TMEM127: variants seen among roughly 807,000 people sequenced by gnomAD.
TMEM127 encodes the protein transmembrane protein 127.
TMEM127 carries 21 observed loss-of-function variants against 20.1 expected under a neutral mutation model. The observed-to-expected ratio is 1.04, with a 90% CI of 0.74 to 1.50. The LOEUF (loss-of-function observed/expected upper bound fraction) is 1.50, where lower values mean the gene tolerates loss of function less well. Ranked by LOEUF, TMEM127 falls within the 40% of genes most tolerant of loss-of-function variation. The pLI is 0.00. For synonymous variants in TMEM127, 150 were observed against 144.7 expected (o/e 1.04, Z -0.26); for missense variants, 303 against 317.4 (o/e 0.95, Z 0.34).
chr2:96,263,660 ATAT>A (rs1190081564), intron 2 of TMEM127, among the ~76,000 whole-genome samples: 2 of 152,212 alleles, frequency 1.3e-5, no homozygotes, highest in African/African-American at 4.8e-5. Flanking sequence ...GCATCATTTT[ATAT>A]TGGCATCAAC....
At chr2:96,256,770 A>G (rs949631080) in intron 2 of TMEM127, among the ~76,000 whole-genome samples, 1 of 152,070 alleles carries the variant, frequency 6.6e-6, no homozygotes, top group East Asian at 1.9e-4. Context: ...CCCTCCCTGA[A>G]CTCTACGAGA....
At position 96,254,894 on chromosome 2, in the gene TMEM127, A is replaced by T; in HGVS notation, c.348T>A (p.Phe116Leu). 1 of 1,614,116 alleles carries T rather than the reference A, an allele frequency of 6.2e-7. No individual in the cohort carries two copies. Residue 116 changes from phenylalanine (F) to leucine (L), a missense_variant, in exon 3 of 4, where the codon TTT becomes TTA. Phe to Leu is a conservative substitution (Grantham distance 22). Transcript: ENST00000258439. ...CSLSAFLLDV[F>L]GPKHPALKIT... ...TCTTCAGAGCAGGATGCTTCGGCCC[A>T]AAGACATCCAGAAGGAAAGCGGAGA...
At position 96,249,086 on chromosome 2, in the gene TMEM127, TGTGTG is replaced by T; in HGVS notation, c.*4717_*4721del. The T allele has an allele frequency of 4.4e-6, 1 of 229,004 alleles. No individual in the cohort carries two copies. The highest frequency in any genetic ancestry group is 2.2e-5 in the African/African-American group (1 of 44,524). 14.2% of individuals were successfully genotyped at this position (229,004 alleles called of 1,614,324 possible). A position where few individuals can be genotyped will look rare whatever the true frequency, so the allele number is the denominator to read the frequency against. ...TTATGGTGAGGAACCTGTGTGTGTG[TGTGTG>T]GTGTGTGTGTGTGTGTGTGTGTGTG... On this transcript the variant is annotated 3_prime_UTR_variant, in exon 4 of 4. Coordinates refer to ENST00000258439, the MANE Select transcript of TMEM127 (RefSeq NM_017849.4).
At chr2:96,254,245 A>G in intron 3 of TMEM127, 130 bp from the exon 4 acceptor site, 2 of 1,220,810 alleles carry the variant, frequency 1.6e-6, no homozygotes, top group Non-Finnish European at 2.3e-6. Context: ...CAGACTCTGC[A>G]AGGAGGAGCT....
chr2:96,254,889 G>A lies in TMEM127; in HGVS notation c.353C>T (p.Pro118Leu), dbSNP rs769359648. Reference sequence around the variant, plus strand: ...AGTGATCTTCAGAGCAGGATGCTTCGGCCCAAAGACATCCAGAAGGAAAGC... The same window carrying A: ...AGTGATCTTCAGAGCAGGATGCTTCAGCCCAAAGACATCCAGAAGGAAAGC... The part of the protein sequence containing the change: ...LSAFLLDVFG[P>L]KHPALKITRR... Residue 118 changes from proline to leucine, a missense_variant, in exon 3 of 4, where the codon CCG becomes CTG. Transcript: ENST00000258439. 8.7e-6 allele frequency: 14 copies of A among 1,613,960 alleles called. No individual in the cohort carries two copies. Among genetic ancestry groups the A allele is most frequent in the East Asian group, 2.2e-5 (1 of 44,890 alleles).
chr2:96,260,385 T>C (rs1263590922), intron 2 of TMEM127: 3 of 152,314 alleles, frequency 2.0e-5, no homozygotes, highest in African/African-American at 4.8e-5. Flanking sequence ...AGGTTATGTA[T>C]GTAGGATTTT....
Position 96,249,128 on chromosome 2 carries a change from G to A in TMEM127, c.*4680C>T, listed in dbSNP as rs1684036266. On this transcript the variant is annotated 3_prime_UTR_variant, in exon 4 of 4. Transcript: ENST00000258439. Reference sequence around the variant, plus strand: ...TGTGTGTGTGTGTGTTTGAGATGGAGTCTCACTCTGTCAGGCTGGAGTCCA... The same window carrying A: ...TGTGTGTGTGTGTGTTTGAGATGGAATCTCACTCTGTCAGGCTGGAGTCCA... The A allele has an allele frequency of 4.3e-6, 1 of 230,154 alleles. No individual in the cohort carries two copies. Among genetic ancestry groups the A allele is most frequent in the Non-Finnish European group, 8.6e-6 (1 of 116,150 alleles). 14.3% of individuals were successfully genotyped at this position (230,154 alleles called of 1,614,324 possible).
rs747804736 is a variant in TMEM127 at position 96,265,161 on chromosome 2, T to G, written c.221A>C (p.Tyr74Ser). Residue 74 changes from tyrosine to serine, a missense_variant, in exon 2 of 4, where the codon TAT becomes TCT. Coordinates refer to ENST00000258439, the MANE Select transcript of TMEM127 (RefSeq NM_017849.4). The part of the protein sequence containing the change: ...QELGVSDVLG[Y>S]VHPDLLKDFC... ...ACCTTTCAGCAGGTCCGGGTGCACA[T>G]AGCCCAACACGTCGGAGACCCCCAG... The G allele has an allele frequency of 5.0e-6, 8 of 1,611,574 alleles. No homozygotes were observed. The African/African-American group carries it at 6.7e-5, about 13-fold the overall frequency.
Position 96,252,374 on chromosome 2 carries a change from A to C in TMEM127, c.*1434T>G. 5.0e-6 allele frequency: 1 copy of C among 200,218 alleles called. No individual in the cohort carries two copies. Among genetic ancestry groups the C allele is most frequent in the East Asian group, 6.5e-5 (1 of 15,492 alleles). 12.4% of individuals were successfully genotyped at this position (200,218 alleles called of 1,614,324 possible). A position where few individuals can be genotyped will look rare whatever the true frequency, so the allele number is the denominator to read the frequency against. ...TGATTCCCAAGAAGCAAGTAACTTA[A>C]CAAGGACAGGTTGGCCATCTGGATC... On this transcript the variant is annotated 3_prime_UTR_variant, in exon 4 of 4. Coordinates refer to ENST00000258439, the MANE Select transcript of TMEM127 (RefSeq NM_017849.4). The surrounding 1 kb of genome is among the most constrained non-coding windows in gnomAD (Gnocchi z 4.2).
intron 3 of TMEM127, among the ~76,000 whole-genome samples, chr2:96,254,446 C>G (rs373104380): frequency 2.0e-5 from 3 of 152,108 alleles, no homozygotes; most frequent in Non-Finnish European, 2.9e-5. Flanking sequence ...CAAGAAAAGG[C>G]GGGTCTGTAG....
chr2:96,261,318 C>T (rs1456538390), intron 2 of TMEM127, among the ~76,000 whole-genome samples: 2 of 151,664 alleles, frequency 1.3e-5, no homozygotes, highest in African/African-American at 4.9e-5. Context: ...CTCTGTCACC[C>T]AGGCTGGAGT....
intron 2 of TMEM127, among the ~76,000 whole-genome samples, chr2:96,262,789 G>A (rs1409255667): frequency 6.6e-6 from 1 of 151,660 alleles, no homozygotes; most frequent in Non-Finnish European, 1.5e-5. Flanking sequence ...AGGTTCAAGC[G>A]ATTCTCCTGC....
chr2:96,255,958 G>C (rs1278988626), intron 2 of TMEM127, among the ~76,000 whole-genome samples: 3 of 151,820 alleles, frequency 2.0e-5, no homozygotes, highest in Non-Finnish European at 4.4e-5. Context: ...GGATGACCGA[G>C]AGAGACCCTG....
In TMEM127 at chr2:96,265,250, C is replaced by T. The variant is rs2104307855; in HGVS notation, c.132G>A (p.Leu44=). The change falls in exon 2 of 4, where the codon CTG becomes CTA. Residue 44 remains leucine (L), a synonymous_variant. Transcript: ENST00000258439. The stretch of plus-strand genomic sequence containing the variant: ...AGGCGGGCTCGGCGAGGGCAGTGCA[C>T]AGCGCCGTGATAGACAGGGCGCCAG... ...ALPGALSITA[L]CTALAEPAWL... is the part of the protein sequence containing the mutation. The T allele has an allele frequency of 6.3e-7, 1 of 1,593,508 alleles. No individual in the cohort carries two copies. Among genetic ancestry groups the T allele is most frequent in the Non-Finnish European group, 8.5e-7 (1 of 1,174,164 alleles).
Position 96,265,369 on chromosome 2 carries a change from C to T in TMEM127, c.13G>A (p.Gly5Arg), listed in dbSNP as rs786202314. The T allele has an allele frequency of 1.4e-6, 2 of 1,465,784 alleles. No individual in the cohort carries two copies. Among genetic ancestry groups the T allele is most frequent in the South Asian group, 2.7e-5 (2 of 73,576 alleles). The allele number at this position is 1,465,784 out of a possible 1,614,324, so 90.8% of individuals were successfully genotyped here. A position where few individuals can be genotyped will look rare whatever the true frequency, so the allele number is the denominator to read the frequency against. Residue 5 changes from glycine to arginine, a missense_variant, in exon 2 of 4, where the codon GGA (glycine) becomes AGA (arginine). Physicochemically the swap from Gly to Arg is moderately radical, Grantham distance 125 (BLOSUM62 -2). Coordinates refer to ENST00000258439, the MANE Select transcript of TMEM127 (RefSeq NM_017849.4). MYAPGGAGLPGGRRR... is the reference protein window; with the variant it reads MYAPRGAGLPGGRRR... ...CGCCCGCCGGGCAGCCCTGCGCCTC[C>T]GGGGGCGTACATGCCCGGGGCCGCC...
In TMEM127 at chr2:96,252,213, A is replaced by T; in HGVS notation, c.*1595T>A. ...GGACATCCCCAGTCAATCTGGCCAA[A>T]GGATGGGACATGACAGTCCCTTTCT... On this transcript the variant is annotated 3_prime_UTR_variant, in exon 4 of 4. Transcript: ENST00000258439. The surrounding 1 kb of genome is among the most constrained non-coding windows in gnomAD (Gnocchi z 4.2). The T allele has an allele frequency of 4.3e-6, 1 of 233,342 alleles. No homozygotes were observed. 14.5% of individuals were successfully genotyped at this position (233,342 alleles called of 1,614,324 possible). A position where few individuals can be genotyped will look rare whatever the true frequency, so the allele number is the denominator to read the frequency against.
Position 96,265,351 on chromosome 2 carries a change from C to T in TMEM127, c.31G>A (p.Gly11Ser), listed in dbSNP as rs992633976. Residue 11 changes from glycine to serine, a missense_variant, in exon 2 of 4, where the codon GGC becomes AGC. By Grantham distance (56) the Gly-to-Ser change is moderately conservative. Coordinates refer to ENST00000258439, the MANE Select transcript of TMEM127 (RefSeq NM_017849.4). MYAPGGAGLP[G>S]GRRRRSPGGS... Reference sequence around the variant, plus strand: ...CCCGGGCTCCTCCGCCGGCGCCCGCCGGGCAGCCCTGCGCCTCCGGGGGCG... The same window carrying T: ...CCCGGGCTCCTCCGCCGGCGCCCGCTGGGCAGCCCTGCGCCTCCGGGGGCG... 2.0e-6 allele frequency: 3 copies of T among 1,500,024 alleles called. No homozygotes were observed. The highest frequency in any genetic ancestry group is 1.3e-5 in the South Asian group (1 of 78,900). The allele number at this position is 1,500,024 out of a possible 1,614,324, so 92.9% of individuals were successfully genotyped here.
In TMEM127 at chr2:96,265,509, T is replaced by G. The variant is rs1684402883; in HGVS notation, c.-128A>C. 1.6e-6 allele frequency: 2 copies of G among 1,213,948 alleles called. No individual in the cohort carries two copies. The highest frequency in any genetic ancestry group is 2.1e-6 in the Non-Finnish European group (2 of 965,292). The allele number at this position is 1,213,948 out of a possible 1,614,324, so 75.2% of individuals were successfully genotyped here. On this transcript the variant is annotated 5_prime_UTR_variant, in exon 2 of 4. Coordinates refer to ENST00000258439, the MANE Select transcript of TMEM127 (RefSeq NM_017849.4). Reference sequence around the variant, plus strand: ...GGTTCGCTGCAGGTGAAGCCGGGACTGGGCTGTCAGGGTTGACACCAGAGG... The same window carrying G: ...GGTTCGCTGCAGGTGAAGCCGGGACGGGGCTGTCAGGGTTGACACCAGAGG...
chr2:96,253,867 A>G lies in TMEM127; in HGVS notation c.658T>C (p.Tyr220His), dbSNP rs1684141729. ...LLSEMEENEP[Y>H]PAEYEVINQF... is the part of the protein sequence containing the mutation. ...TTGATGACCTCATATTCCGCCGGGTAGGGCTCGTTCTCTTCCATCTCTGAG... is the reference window on the plus strand; with the variant it reads ...TTGATGACCTCATATTCCGCCGGGTGGGGCTCGTTCTCTTCCATCTCTGAG... The change falls in exon 4 of 4, where the codon TAC becomes CAC. Residue 220 changes from tyrosine (Y) to histidine (H), a missense_variant. Coordinates refer to ENST00000258439, the MANE Select transcript of TMEM127 (RefSeq NM_017849.4). This position sits in a 1 kb window ranked among gnomAD's most constrained non-coding sequence, Gnocchi z 4.3. 1.2e-6 allele frequency: 2 copies of G among 1,613,956 alleles called. No homozygotes were observed. The highest frequency in any genetic ancestry group is 1.7e-6 in the Non-Finnish European group (2 of 1,179,986).
Sources: gnomAD v4.1 joint callset for allele counts (sites outside exome capture counted in the v4.1 genomes callset) on GRCh38, gnomAD v4.1.1 for gene constraint, Gnocchi (gnomAD v3.1) non-coding constraint, MANE v1.5 for transcripts, NCBI Gene and HGNC (gene_info 2026-07-23, HGNC 2026-07-21) for gene names.